The following GPX4 variants were observed in gnomAD, a reference collection of about 807,000 sequenced individuals.
GPX4 encodes the protein phospholipid hydroperoxide glutathione peroxidase GPX4.
GPX4 carries 28 observed loss-of-function variants against 27.8 expected under a neutral mutation model. That is an observed-to-expected ratio of 1.01 (90% CI 0.75 to 1.38). GPX4 has a LOEUF of 1.38. GPX4 is among the 40% of genes most tolerant of loss of function. The pLI is 0.00. For synonymous variants in GPX4, 163 were observed against 107.8 expected, an observed-to-expected ratio of 1.51 and a Z score of -3.17; for missense variants, 357 against 274.1, an observed-to-expected ratio of 1.30 and a Z score of -2.14.
At chr19:1,104,309 C>G (rs1599806854) in intron 1 of GPX4, 182 bp downstream of exon 1, 5 of 563,166 alleles carry the variant, frequency 8.9e-6, no homozygotes, top group Non-Finnish European at 8.6e-6. Context: ...GCGACGCGCT[C>G]CGCGGCCCTC....
intron 4 of GPX4, 79 bp downstream of exon 4, chr19:1,105,888 A>G (rs1351217796): frequency 7.0e-7 from 1 of 1,423,870 alleles, no homozygotes; most frequent in Non-Finnish European, 9.4e-7. Context: ...TCCCTGGGGC[A>G]GAATGGCTCA....
intron 3 of GPX4, 60 bp downstream of exon 3, chr19:1,105,570 C>T (rs2145167609): frequency 6.2e-7 from 1 of 1,601,434 alleles, no homozygotes; most frequent in Admixed American, 1.7e-5. Context: ...GGGTGGGCTC[C>T]AGCCTGGAGA....
chr19:1,104,789 CG>C, intron 1 of GPX4: 1 of 989,812 alleles, frequency 1.0e-6, no homozygotes. Context: ...GTGCCAGAGC[CG>C]GGGCAGGCGG....
At chr19:1,104,771 A>G in intron 1 of GPX4, 1 of 987,720 alleles carries the variant, frequency 1.0e-6, no homozygotes, top group Non-Finnish European at 1.2e-6. Flanking sequence ...CGGGCGCCGC[A>G]GGCAGCGGTG....
chr19:1,106,367 T>G, intron 5 of GPX4, 33 bp from the exon 6 acceptor site: 2 of 1,613,148 alleles, frequency 1.2e-6, no homozygotes, highest in South Asian at 2.2e-5. Context: ...CTTGCAGGGG[T>G]GGCCCCACAG....
rs776536583 is a variant in GPX4 at position 1,106,629 on chromosome 19, C to G, written c.*57C>G. 4 of 1,607,044 alleles carry G rather than the reference C, an allele frequency of 2.5e-6. No homozygotes were observed. The Admixed American group carries it at 6.7e-5, about 27-fold the overall frequency. On this transcript the variant is annotated 3_prime_UTR_variant, in exon 7 of 7. Transcript: ENST00000354171. ...TGCCCACGCCCTTGGAGCCTTCCAC[C>G]GGCACTCATGACGGCCTGCCTGCAA... is the stretch of plus-strand genomic sequence containing the variant.
In GPX4 at chr19:1,106,578, C is replaced by G. The variant is rs748876191; in HGVS notation, c.*6C>G. 6.2e-7 allele frequency: 1 copy of G among 1,613,478 alleles called. No individual in the cohort carries two copies. The highest frequency in any genetic ancestry group is 1.1e-5 in the South Asian group (1 of 91,082). On this transcript the variant is annotated 3_prime_UTR_variant, in exon 7 of 7. Coordinates refer to ENST00000354171, the MANE Select transcript of GPX4 (RefSeq NM_002085.5). ...ACCTGCCCCACTATTTCTAGCTCCACAAGTGTGTGGCCCCGCCCGAGCCCC... is the reference window on the plus strand; with the variant it reads ...ACCTGCCCCACTATTTCTAGCTCCAGAAGTGTGTGGCCCCGCCCGAGCCCC...
chr19:1,105,308 G>C (rs1432127996), intron 2 of GPX4, 28 bp downstream of exon 2: 10 of 1,612,664 alleles, frequency 6.2e-6, no homozygotes, highest in Non-Finnish European at 5.9e-6. Context: ...GTGGGGCGCG[G>C]GGTCGGGCCC....
rs573806985 is a variant in GPX4 at position 1,106,281 on chromosome 19, G to A, written c.501+15G>A. On this transcript the variant is annotated intron_variant, in intron 5 of 6. Coordinates refer to ENST00000354171, the MANE Select transcript of GPX4 (RefSeq NM_002085.5). ...ACTTCACCAAGGTAAGGGGGCTGTG[G>A]GGGGTAGGGGACCAGCTTCCCCTGG... 1.2e-5 allele frequency: 19 copies of A among 1,605,760 alleles called. No homozygotes were observed. The Admixed American group carries it at 2.8e-4, about 24-fold the overall frequency.
rs1439873092 is a variant in GPX4, at chr19:1,106,738, C to T, written c.*166C>T. ...TGGCCTGCTGGGCTTGGCTCGGCGC[C>T]CCCACCCCTGGCTACCTTGTGGGAA... On this transcript the variant is annotated 3_prime_UTR_variant, in exon 7 of 7. Transcript: ENST00000354171. 1.2e-6 allele frequency: 1 copy of T among 813,236 alleles called. No homozygotes were observed. The highest frequency in any genetic ancestry group is 2.7e-5 in the East Asian group (1 of 37,246). 50.4% of individuals were successfully genotyped at this position (813,236 alleles called of 1,614,324 possible). A position where few individuals can be genotyped will look rare whatever the true frequency, so the allele number is the denominator to read the frequency against.
chr19:1,104,244 T>C lies in GPX4; in HGVS notation c.84+117T>C, dbSNP rs1410350085. The C allele has an allele frequency of 2.0e-5, 18 of 881,838 alleles. 1 individual carries two copies. The highest frequency in any genetic ancestry group is 4.2e-5 in the Admixed American group (1 of 23,554). 54.6% of individuals were successfully genotyped at this position (881,838 alleles called of 1,614,324 possible). ...GCTCCAGTGACCTTGGTGGGGGGCG[T>C]CTGGGGGCTCCCCCTCCCCACCCCC... On this transcript the variant is annotated intron_variant, in intron 1 of 6. Coordinates refer to ENST00000354171, the MANE Select transcript of GPX4 (RefSeq NM_002085.5).
chr19:1,106,044 CGGGGGCCTGT>C (rs2079648830), intron 4 of GPX4, 188 bp from the exon 5 acceptor site: 2 of 614,738 alleles, frequency 3.3e-6, no homozygotes, highest in Non-Finnish European at 5.1e-6. Context: ...CAGGATGGCT[CGGGGGCCTGT>C]GGGGGGCTGT....
At position 1,104,759 on chromosome 19, in the gene GPX4, C is replaced by T. The variant is rs930479449; in HGVS notation, c.85-427C>T. 85 of 986,594 alleles carry T rather than the reference C, an allele frequency of 8.6e-5. No homozygotes were observed. The African/African-American group carries it at 1.4e-3, about 16-fold the overall frequency. 61.1% of individuals were successfully genotyped at this position (986,594 alleles called of 1,614,324 possible). ...TATGGGCCGCGCGGGCGCAGGCTCCCCCGGGCGCCGCAGGCAGCGGTGCCA... is the reference window on the plus strand; with the variant it reads ...TATGGGCCGCGCGGGCGCAGGCTCCTCCGGGCGCCGCAGGCAGCGGTGCCA... On this transcript the variant is annotated intron_variant, in intron 1 of 6. Coordinates refer to ENST00000354171, the MANE Select transcript of GPX4 (RefSeq NM_002085.5).
Position 1,106,395 on chromosome 19 carries a change from C to T in GPX4, c.502-5C>T, listed in dbSNP as rs2079656547. 6 of 1,613,566 alleles carry T rather than the reference C, an allele frequency of 3.7e-6. No individual in the cohort carries two copies. Among genetic ancestry groups the T allele is most frequent in the Non-Finnish European group, 3.4e-6 (4 of 1,179,938 alleles). On this transcript the variant is annotated splice_polypyrimidine_tract_variant and splice_region_variant and intron_variant, in intron 5 of 6. Coordinates refer to ENST00000354171, the MANE Select transcript of GPX4 (RefSeq NM_002085.5). ...CCCCACAGTTTGGACACCGTCTCTCCACAGTTCCTCATCGACAAGAACGGC... is the reference window on the plus strand; with the variant it reads ...CCCCACAGTTTGGACACCGTCTCTCTACAGTTCCTCATCGACAAGAACGGC...
rs748758139 is a variant in GPX4 at position 1,105,742 on chromosome 19, G to A, written c.409G>A (p.Gly137Arg). The A allele has an allele frequency of 5.6e-6, 9 of 1,601,704 alleles. No individual in the cohort carries two copies. The South Asian group carries it at 7.9e-5, about 14-fold the overall frequency. The part of the protein sequence containing the change: ...FDMFSKICVN[G>R]DDAHPLWKWM... ...TATGTTCAGCAAGATCTGCGTGAAC[G>A]GGGACGACGCCCACCCGCTGTGGAA... The change falls in exon 4 of 7, where the codon GGG becomes AGG. Residue 137 changes from glycine to arginine, a missense_variant. Gly to Arg is a moderately radical substitution (Grantham distance 125). Coordinates refer to ENST00000354171, the MANE Select transcript of GPX4 (RefSeq NM_002085.5).
intron 1 of GPX4, chr19:1,104,499 T>G: frequency 2.3e-6 from 1 of 431,938 alleles, no homozygotes; most frequent in Non-Finnish European, 3.2e-6. Context: ...AGCTGGACCG[T>G]TGAGGGCCAC....
chr19:1,105,131 G>A, intron 1 of GPX4, 55 bp from the exon 2 acceptor site: 1 of 1,596,554 alleles, frequency 6.3e-7, no homozygotes, highest in Non-Finnish European at 8.6e-7. Flanking sequence ...CTGCCTCAGG[G>A]TCCCGGGCTC....
rs1268277208 is a variant in GPX4, at chr19:1,105,272, C to T, written c.171C>T (p.Asp57=). The change falls in exon 2 of 7, where the codon GAC becomes GAT. Residue 57 remains aspartate, a synonymous_variant. Transcript: ENST00000354171. ...KDIDGHMVNL[D]KYRGFVCIVT... is the part of the protein sequence containing the mutation. ...TCGACGGGCACATGGTTAACCTGGA[C>T]AAGTACCGGTGGGCGCTCGCCTGGG... 4 of 1,612,932 alleles carry T rather than the reference C, an allele frequency of 2.5e-6. No homozygotes were observed. Among genetic ancestry groups the T allele is most frequent in the Non-Finnish European group, 3.4e-6 (4 of 1,179,910 alleles).
Position 1,104,092 on chromosome 19 carries a change from G to C in GPX4, c.49G>C (p.Gly17Arg). 6.6e-7 allele frequency: 1 copy of C among 1,512,842 alleles called. No individual in the cohort carries two copies. Among genetic ancestry groups the C allele is most frequent in the Non-Finnish European group, 8.8e-7 (1 of 1,137,490 alleles). 93.7% of individuals were successfully genotyped at this position (1,512,842 alleles called of 1,614,324 possible). Residue 17 changes from glycine (G) to arginine (R), a missense_variant, in exon 1 of 7, where the codon GGG (glycine) becomes CGG (arginine). Coordinates refer to ENST00000354171, the MANE Select transcript of GPX4 (RefSeq NM_002085.5). ...CCTACTGAAGCCGGCGCTGCTCTGT[G>C]GGGCTCTGGCCGCGCCTGGCCTGGC... is the stretch of plus-strand genomic sequence containing the variant. ...CRLLKPALLC[G>R]ALAAPGLAGT... is the part of the protein sequence containing the mutation.
Sources: allele counts gnomAD v4.1 joint callset, GRCh38; gene constraint gnomAD v4.1.1; transcripts MANE v1.5; gene names NCBI Gene and HGNC (gene_info 2026-07-23, HGNC 2026-07-21).